Variants in NBAS observed in about 807,000 individuals in gnomAD.
The protein encoded by NBAS is NAG/BC035112 fusion.
Under a neutral mutation model 302.5 loss-of-function variants are expected in NBAS, and 219 were observed. The observed-to-expected ratio is 0.72, with a 90% CI of 0.65 to 0.81. The LOEUF is 0.81. Among genes scored for constraint, NBAS ranks in the 30% least tolerant of loss-of-function variants. NBAS has a pLI of 0.00. For synonymous variants in NBAS, 1,118 were observed against 1,021.6 expected (o/e 1.09, Z -1.80); for missense variants, 2,932 against 2,841.6 (o/e 1.03, Z -0.72).
intron 3 of NBAS, among the ~76,000 whole-genome samples, chr2:15,556,186 T>C (rs540813145): frequency 6.6e-6 from 1 of 152,292 alleles, no homozygotes; most frequent in East Asian, 1.9e-4. Flanking sequence ...AACTATATTA[T>C]CTCTGGAACT....
intron 41 of NBAS, among the ~76,000 whole-genome samples, chr2:15,290,710 C>T (rs1670268563): frequency 6.6e-6 from 1 of 152,160 alleles, no homozygotes; most frequent in African/African-American, 2.4e-5. Context: ...AGAAGGTTGG[C>T]TTAGGTTACT....
At chr2:15,012,077 A>C in the NBAS span, among the ~76,000 whole-genome samples, 1 of 152,302 alleles carries the variant, frequency 6.6e-6, no homozygotes, top group Non-Finnish European at 1.5e-5. Context: ...CCCAATCATA[A>C]GGAAATATAC....
chr2:15,175,083 C>A (rs1664471869), intron 51 of NBAS, among the ~76,000 whole-genome samples: 1 of 152,166 alleles, frequency 6.6e-6, no homozygotes, highest in Non-Finnish European at 1.5e-5. Flanking sequence ...TCTCCTGCCT[C>A]AGACTCCCGA....
the NBAS span, among the ~76,000 whole-genome samples, chr2:14,934,181 C>G: frequency 6.6e-6 from 1 of 152,012 alleles, no homozygotes; most frequent in African/African-American, 2.4e-5. Flanking sequence ...TAAAGTCCAC[C>G]CCATTTTCTC....
chr2:14,779,347 T>A, the NBAS span, among the ~76,000 whole-genome samples: 8,124 of 152,258 alleles, frequency 0.053, 229 homozygotes, highest in Non-Finnish European at 0.059. Flanking sequence ...TCAATGTAGT[T>A]GTCAGAATAA....
At chr2:15,078,973 T>C in the NBAS span, among the ~76,000 whole-genome samples, 1 of 152,076 alleles carries the variant, frequency 6.6e-6, no homozygotes, top group Non-Finnish European at 1.5e-5. Flanking sequence ...GAACTGCAAT[T>C]TGATATGATG....
At chr2:14,810,170 T>G in the NBAS span, among the ~76,000 whole-genome samples, 3 of 152,144 alleles carry the variant, frequency 2.0e-5, no homozygotes, top group Non-Finnish European at 4.4e-5. Flanking sequence ...CTGTAATGAG[T>G]TAAGACTTTG....
chr2:14,943,731 T>C, the NBAS span, among the ~76,000 whole-genome samples: 3 of 152,230 alleles, frequency 2.0e-5, no homozygotes, highest in Non-Finnish European at 4.4e-5. Context: ...GGTGTTCAGA[T>C]TCTTAGGAAC....
chr2:14,868,233 T>C, the NBAS span, among the ~76,000 whole-genome samples: 3 of 152,216 alleles, frequency 2.0e-5, no homozygotes, highest in Admixed American at 6.5e-5. Flanking sequence ...TGTTGTACCA[T>C]ACCATGCATC....
the NBAS span, among the ~76,000 whole-genome samples, chr2:14,797,496 C>A: frequency 6.6e-6 from 1 of 152,346 alleles, no homozygotes; most frequent in Non-Finnish European, 1.5e-5. Context: ...CCATTCACCA[C>A]ACTGCAGATG....
chr2:15,481,620 T>C (rs1325670193), intron 12 of NBAS, among the ~76,000 whole-genome samples: 1 of 148,450 alleles, frequency 6.7e-6, no homozygotes, highest in Admixed American at 6.8e-5. Context: ...CATGGCACCA[T>C]GTGAATACAT....
chr2:15,424,314 C>G lies in NBAS; in HGVS notation c.2577+1G>C. The G allele has an allele frequency of 6.2e-7, 1 of 1,614,064 alleles. No homozygotes were observed. Among genetic ancestry groups the G allele is most frequent in the East Asian group, 2.2e-5 (1 of 44,880 alleles). Reference sequence around the variant, plus strand: ...GAGCAGCAGCTGCCATTTCCCCTCACCTGCCGAGCATAATGCTCTATTTCC... The same window carrying G: ...GAGCAGCAGCTGCCATTTCCCCTCAGCTGCCGAGCATAATGCTCTATTTCC... On this transcript the variant is annotated splice_donor_variant, in intron 23 of 51. Transcript: ENST00000281513. LOFTEE classifies it high-confidence loss of function.
chr2:14,917,444 A>T, the NBAS span, among the ~76,000 whole-genome samples: 2 of 152,222 alleles, frequency 1.3e-5, no homozygotes. Flanking sequence ...GCAAGATGGA[A>T]GTCACATACT....
intron 19 of NBAS, among the ~76,000 whole-genome samples, chr2:15,462,953 T>C (rs1679569832): frequency 1.3e-5 from 2 of 152,150 alleles, no homozygotes; most frequent in Non-Finnish European, 2.9e-5. Context: ...TGCATACTCA[T>C]GGAAACCAAA....
At chr2:15,474,925 CTGATAATT>C (rs1211217182) in intron 14 of NBAS, among the ~76,000 whole-genome samples, 14 of 152,048 alleles carry the variant, frequency 9.2e-5, no homozygotes, top group African/African-American at 3.1e-4. Flanking sequence ...GGTCTTGTAC[CTGATAATT>C]TGATGATTTG....
chr2:15,089,751 T>A, the NBAS span, among the ~76,000 whole-genome samples: 1 of 142,202 alleles, frequency 7.0e-6, no homozygotes, highest in African/African-American at 2.6e-5. Context: ...ACTTTTTTTT[T>A]TTTTTTTTTT....
chr2:14,823,397 T>C, the NBAS span, among the ~76,000 whole-genome samples: 1 of 152,246 alleles, frequency 6.6e-6, no homozygotes, highest in Non-Finnish European at 1.5e-5. Flanking sequence ...GAATAATAGT[T>C]GGCTTTTATA....
At chr2:14,935,926 C>A in the NBAS span, among the ~76,000 whole-genome samples, 2 of 152,176 alleles carry the variant, frequency 1.3e-5, no homozygotes, top group Non-Finnish European at 2.9e-5. Context: ...GGTGCCAAAC[C>A]AGAGTATGGC....
the NBAS span, among the ~76,000 whole-genome samples, chr2:14,828,250 T>C: frequency 6.6e-6 from 1 of 152,240 alleles, no homozygotes; most frequent in African/African-American, 2.4e-5. Context: ...TGGAAGAAAA[T>C]ACACCAGGTT....
Sources: allele counts gnomAD v4.1 joint callset (sites outside exome capture counted in the v4.1 genomes callset), GRCh38; gene constraint gnomAD v4.1.1; transcripts MANE v1.5; gene names NCBI Gene and HGNC (gene_info 2026-07-23, HGNC 2026-07-21).